SLC35F1: variants seen among roughly 807,000 people sequenced by gnomAD.
SLC35F1 encodes chromosome 6 open reading frame 169.
Under a neutral mutation model 48.7 loss-of-function variants are expected in SLC35F1, and 14 were observed. The observed-to-expected ratio is 0.29, with a 90% CI of 0.19 to 0.45. SLC35F1 has a LOEUF of 0.45. SLC35F1 is among the 20% of genes least tolerant of loss of function. The pLI, the probability that SLC35F1 is intolerant of heterozygous loss-of-function variation, is 1.00. For missense variants in SLC35F1, 404 were observed against 500.0 expected (o/e 0.81, Z 1.83); for synonymous variants, 190 against 202.2 (o/e 0.94, Z 0.51).
intron 1 of SLC35F1, among the ~76,000 whole-genome samples, chr6:117,923,768 T>TATATACATAC (rs1775971920): frequency 8.0e-6 from 1 of 125,332 alleles, no homozygotes; most frequent in Non-Finnish European, 1.7e-5. Context: ...CATATGCACA[T>TATATACATAC]ACATATGTAT....
At chr6:118,212,908 A>G (rs1775025339) in intron 2 of SLC35F1, among the ~76,000 whole-genome samples, 1 of 152,204 alleles carries the variant, frequency 6.6e-6, no homozygotes, top group Non-Finnish European at 1.5e-5. Context: ...GGGAAATCCT[A>G]GTGTTTGAAC....
chr6:118,117,597 A>C (rs1035238672), intron 1 of SLC35F1, among the ~76,000 whole-genome samples: 3 of 152,212 alleles, frequency 2.0e-5, no homozygotes, highest in African/African-American at 7.2e-5. Flanking sequence ...AGTATTATTC[A>C]CATACAATAA....
intron 1 of SLC35F1, among the ~76,000 whole-genome samples, chr6:117,963,369 T>C (rs1250976017): frequency 6.6e-6 from 1 of 151,296 alleles, no homozygotes; most frequent in Non-Finnish European, 1.5e-5. Context: ...TGGCTGCATA[T>C]CACTTTTAGG....
At chr6:117,915,499 C>A (rs956976851) in intron 1 of SLC35F1, among the ~76,000 whole-genome samples, 9 of 151,854 alleles carry the variant, frequency 5.9e-5, no homozygotes, top group Non-Finnish European at 1.2e-4. Context: ...GGAATATGTG[C>A]AGGGAGAGGG....
At chr6:118,230,716 C>G (rs1775281652) in intron 2 of SLC35F1, among the ~76,000 whole-genome samples, 1 of 152,188 alleles carries the variant, frequency 6.6e-6, no homozygotes, top group Non-Finnish European at 1.5e-5. Flanking sequence ...GGCGTGGTGG[C>G]TCATGCCTGT....
chr6:118,144,410 G>A (rs1447197971), intron 1 of SLC35F1, among the ~76,000 whole-genome samples: 1 of 151,858 alleles, frequency 6.6e-6, no homozygotes, highest in Non-Finnish European at 1.5e-5. Flanking sequence ...ACACAGGGAG[G>A]GAAACAACAC....
intron 7 of SLC35F1, among the ~76,000 whole-genome samples, chr6:118,310,382 T>C (rs1034621204): frequency 1.3e-5 from 2 of 152,206 alleles, no homozygotes; most frequent in South Asian, 4.1e-4. Context: ...TTTTGTCTGG[T>C]TGATTGGTTT....
At chr6:118,043,003 T>C (rs991683037) in intron 1 of SLC35F1, among the ~76,000 whole-genome samples, 1 of 152,186 alleles carries the variant, frequency 6.6e-6, no homozygotes, top group Non-Finnish European at 1.5e-5. Flanking sequence ...ATATTTTGTT[T>C]ATTGCATTTA....
At chr6:118,120,613 T>G (rs1192354053) in intron 1 of SLC35F1, among the ~76,000 whole-genome samples, 1 of 152,264 alleles carries the variant, frequency 6.6e-6, no homozygotes, top group South Asian at 2.1e-4. Context: ...AATTTCCACC[T>G]TTTCTCAAGA....
At position 118,314,889 on chromosome 6, in the gene SLC35F1, T is replaced by G. The variant is rs1234351420; in HGVS notation, c.*637T>G. On this transcript the variant is annotated 3_prime_UTR_variant, in exon 8 of 8. Coordinates refer to ENST00000360388, the MANE Select transcript of SLC35F1 (RefSeq NM_001029858.4). ...TACTTCTCTATTCTAGGAATAGATATAAAAGAAACATTTTAGCCTTTTTAT... is the reference window on the plus strand; with the variant it reads ...TACTTCTCTATTCTAGGAATAGATAGAAAAGAAACATTTTAGCCTTTTTAT... 6.5e-6 allele frequency: 1 copy of G among 153,158 alleles called. No individual in the cohort carries two copies. 9.5% of individuals were successfully genotyped at this position (153,158 alleles called of 1,614,324 possible).
rs904500839 is a variant in SLC35F1 at position 118,263,829 on chromosome 6, C to T, written c.478-3166C>T. ...CAGTATGTTTTATGTTATGTGACCA[C>T]GAGGGGAAAGCTGAAGGCAAAAATC... On this transcript the variant is annotated intron_variant, in intron 3 of 7. Coordinates refer to ENST00000360388, the MANE Select transcript of SLC35F1 (RefSeq NM_001029858.4). Among the ~76,000 whole-genome samples, 5 of 152,090 alleles carry T rather than the reference C, an allele frequency of 3.3e-5. No homozygotes were observed. In the South Asian group the frequency reaches 6.2e-4, roughly 19 times the overall value.
chr6:118,003,622 A>G (rs569266128), intron 1 of SLC35F1, among the ~76,000 whole-genome samples: 1 of 152,250 alleles, frequency 6.6e-6, no homozygotes, highest in East Asian at 1.9e-4. Context: ...CAGTTTTCTC[A>G]TCGGTAAATG....
chr6:118,216,552 A>G (rs929589148), intron 2 of SLC35F1, among the ~76,000 whole-genome samples: 2 of 152,130 alleles, frequency 1.3e-5, no homozygotes, highest in East Asian at 1.9e-4. Context: ...CAGAGGAGCA[A>G]AGCCAGTCAG....
At chr6:118,281,342 G>C (rs1775982645) in intron 6 of SLC35F1, among the ~76,000 whole-genome samples, 1 of 151,976 alleles carries the variant, frequency 6.6e-6, no homozygotes, top group Non-Finnish European at 1.5e-5. Context: ...AAGTCAGGCT[G>C]CCTATGTGAC....
chr6:117,923,657 A>ATGTACATATATACATATG (rs1775946556), intron 1 of SLC35F1, among the ~76,000 whole-genome samples: 1 of 76,204 alleles, frequency 1.3e-5, no homozygotes, highest in Non-Finnish European at 2.7e-5. Flanking sequence ...ATATGTACAT[A>ATGTACATATATACATATG]TGTATATATA....
chr6:118,043,685 ACGCCCT>A (rs1341045231), intron 1 of SLC35F1, among the ~76,000 whole-genome samples: 2 of 136,512 alleles, frequency 1.5e-5, no homozygotes, highest in Non-Finnish European at 3.3e-5. Flanking sequence ...TGTTAGACAT[ACGCCCT>A]CACACTCAAT....
In SLC35F1 at chr6:118,238,799, T is replaced by G. The variant is rs557638579; in HGVS notation, c.477+3163T>G. 1.2e-4 allele frequency among the ~76,000 whole-genome samples: 18 copies of G among 152,298 alleles called. No homozygotes were observed. In the South Asian group the frequency reaches 3.7e-3, roughly 32 times the overall value. ...GGGGAATGCTGTGAGTTAATTGGCT[T>G]AGACCTGAAGTATCTGAATCAATAG... On this transcript the variant is annotated intron_variant, in intron 3 of 7. Coordinates refer to ENST00000360388, the MANE Select transcript of SLC35F1 (RefSeq NM_001029858.4).
At chr6:118,097,478 G>T (rs939221844) in intron 1 of SLC35F1, among the ~76,000 whole-genome samples, 1 of 152,104 alleles carries the variant, frequency 6.6e-6, no homozygotes, top group African/African-American at 2.4e-5. Flanking sequence ...TTTCCAATCA[G>T]TTGTGACTTG....
At chr6:118,247,127 C>T (rs1483686777) in intron 3 of SLC35F1, among the ~76,000 whole-genome samples, 1 of 152,224 alleles carries the variant, frequency 6.6e-6, no homozygotes, top group Non-Finnish European at 1.5e-5. Context: ...TTTTGCCTAA[C>T]CATCCCATCT....
Sources: allele counts gnomAD v4.1 joint callset (sites outside exome capture counted in the v4.1 genomes callset), GRCh38; gene constraint gnomAD v4.1.1; transcripts MANE v1.5; gene names NCBI Gene and HGNC (gene_info 2026-07-23, HGNC 2026-07-21).